Variants in PGM2L1 observed in about 807,000 individuals in gnomAD.
PGM2L1 encodes phosphoglucomutase 2 like 1.
PGM2L1 carries 35 observed loss-of-function variants against 73.4 expected under a neutral mutation model. That is an observed-to-expected ratio of 0.48 (90% CI 0.36 to 0.63). The LOEUF (loss-of-function observed/expected upper bound fraction) is 0.63, where lower values mean the gene tolerates loss of function less well. Ranked by LOEUF, PGM2L1 falls within the 30% of genes least tolerant of loss-of-function variation. PGM2L1 has a pLI of 0.00. For missense variants in PGM2L1, 570 were observed against 742.0 expected, an observed-to-expected ratio of 0.77 and a Z score of 2.69; for synonymous variants, 225 against 253.8, an observed-to-expected ratio of 0.89 and a Z score of 1.08.
intron 12 of PGM2L1, 134 bp downstream of exon 12, chr11:74,342,327 C>T (rs907371054): frequency 4.9e-5 from 34 of 698,620 alleles, no homozygotes; most frequent in East Asian, 9.5e-5. Flanking sequence ...CCAGAATTGT[C>T]ACCTTTATAA....
At chr11:74,363,426 CT>C (rs1862598574) in intron 5 of PGM2L1, among the ~76,000 whole-genome samples, 2 of 152,016 alleles carry the variant, frequency 1.3e-5, no homozygotes, top group Non-Finnish European at 2.9e-5. Flanking sequence ...ACAGAAAACC[CT>C]TCAAAAAATT....
At position 74,333,626 on chromosome 11, in the gene PGM2L1, A is replaced by C. The variant is rs987170600; in HGVS notation, c.*3026T>G. 6.6e-6 allele frequency: 1 copy of C among 152,222 alleles called. No individual in the cohort carries two copies. 9.4% of individuals were successfully genotyped at this position (152,222 alleles called of 1,614,324 possible). On this transcript the variant is annotated 3_prime_UTR_variant, in exon 14 of 14. Transcript: ENST00000298198. ...TTGGCCTCATTTTAGTGATCACAAT[A>C]AAGGAAAATGGTAGGTGCATACTCA...
At chr11:74,392,585 G>GGCTGGAGTGCAGTGGC (rs1479242956) in intron 1 of PGM2L1, among the ~76,000 whole-genome samples, 7 of 151,128 alleles carry the variant, frequency 4.6e-5, no homozygotes, top group African/African-American at 1.7e-4. Flanking sequence ...CTGTCGCCCA[G>GGCTGGAGTGCAGTGGC]GCTGGAGTGC....
chr11:74,355,347 A>G (rs1862427131), intron 5 of PGM2L1: 1 of 699,406 alleles, frequency 1.4e-6, no homozygotes, highest in South Asian at 1.5e-5. Context: ...TGAGGTCAGG[A>G]GTTCAACAGC....
At chr11:74,393,653 A>G (rs984156995) in intron 1 of PGM2L1, among the ~76,000 whole-genome samples, 1 of 152,212 alleles carries the variant, frequency 6.6e-6, no homozygotes, top group African/African-American at 2.4e-5. Flanking sequence ...GCAGACCTAC[A>G]TTCTGAGACC....
At chr11:74,343,119 A>C in intron 10 of PGM2L1, 105 bp from the exon 11 acceptor site, 1 of 1,412,082 alleles carries the variant, frequency 7.1e-7, no homozygotes, top group Non-Finnish European at 9.5e-7. Context: ...GCCTAGTAAT[A>C]GATGAAACTC....
Position 74,375,249 on chromosome 11 carries a change from G to A in PGM2L1, c.112-667C>T, listed in dbSNP as rs556935201. Among the ~76,000 whole-genome samples, 14 of 152,188 alleles carry A rather than the reference G, an allele frequency of 9.2e-5. No homozygotes were observed. The South Asian group carries it at 1.9e-3, about 20-fold the overall frequency. ...GAGAATACAAATTCATTCCAAACAC[G>A]GTTTGTGAGGCAGTGCATGCCAACA... On this transcript the variant is annotated intron_variant, in intron 1 of 13. Transcript: ENST00000298198.
chr11:74,342,831 G>A, intron 11 of PGM2L1, 54 bp downstream of exon 11: 1 of 1,507,578 alleles, frequency 6.6e-7, no homozygotes, highest in Non-Finnish European at 8.9e-7. Flanking sequence ...AAAACTAAGG[G>A]TAGGACAATA....
intron 1 of PGM2L1, among the ~76,000 whole-genome samples, chr11:74,375,886 G>T (rs1007855641): frequency 3.3e-5 from 5 of 152,102 alleles, no homozygotes; most frequent in African/African-American, 4.8e-5. Flanking sequence ...AACAATATCT[G>T]GGATATTATC....
At chr11:74,379,425 C>T (rs948663742) in intron 1 of PGM2L1, among the ~76,000 whole-genome samples, 4 of 152,082 alleles carry the variant, frequency 2.6e-5, no homozygotes, top group Non-Finnish European at 5.9e-5. Flanking sequence ...GGGGACAAAA[C>T]AGCCAAACCA....
At chr11:74,343,057 G>C in intron 10 of PGM2L1, 43 bp from the exon 11 acceptor site, 1 of 1,550,720 alleles carries the variant, frequency 6.4e-7, no homozygotes, top group Non-Finnish European at 8.7e-7. Flanking sequence ...AAAACTTAAG[G>C]CTATAATTTC....
At chr11:74,360,859 G>A (rs1040024942) in intron 5 of PGM2L1, among the ~76,000 whole-genome samples, 17 of 152,170 alleles carry the variant, frequency 1.1e-4, no homozygotes, top group African/African-American at 3.6e-4. Flanking sequence ...GGGGAGGGGC[G>A]CCCGCCATTG....
At position 74,332,815 on chromosome 11, in the gene PGM2L1, C is replaced by T. The variant is rs1020189245; in HGVS notation, c.*3837G>A. On this transcript the variant is annotated 3_prime_UTR_variant, in exon 14 of 14. Coordinates refer to ENST00000298198, the MANE Select transcript of PGM2L1 (RefSeq NM_173582.6). ...AGTATCCAATCTCTTAGAACCTCTC[C>T]ATCTGCTAACGTATCTACATCAAAA... The T allele has an allele frequency of 2.0e-5, 3 of 152,458 alleles. No homozygotes were observed. The highest frequency in any genetic ancestry group is 1.9e-4 in the East Asian group (1 of 5,202). The allele number at this position is 152,458 out of a possible 1,614,324, so 9.4% of individuals were successfully genotyped here.
At chr11:74,362,663 T>G (rs769837536) in intron 5 of PGM2L1, among the ~76,000 whole-genome samples, 15 of 152,110 alleles carry the variant, frequency 9.9e-5, no homozygotes, top group Non-Finnish European at 1.8e-4. Flanking sequence ...CACGTGCAGA[T>G]ACACACATAG....
chr11:74,364,484 TCTC>T (rs1181714305), intron 5 of PGM2L1, among the ~76,000 whole-genome samples: 1 of 152,114 alleles, frequency 6.6e-6, no homozygotes, highest in African/African-American at 2.4e-5. Flanking sequence ...TCAGCCAAAA[TCTC>T]CTTAAGCTGA....
At position 74,398,203 on chromosome 11, in the gene PGM2L1, C is replaced by A. The variant is rs1863211834; in HGVS notation, c.-42G>T. 8.9e-6 allele frequency: 14 copies of A among 1,580,970 alleles called. No individual in the cohort carries two copies. The highest frequency in any genetic ancestry group is 1.2e-5 in the Non-Finnish European group (14 of 1,162,486). On this transcript the variant is annotated 5_prime_UTR_variant, in exon 1 of 14. Transcript: ENST00000298198. ...TACGGGCCGGGGGCCGGCGAAGACACTGAGTTGGGGTGGGGGGTGGCTTGG... is the reference window on the plus strand; with the variant it reads ...TACGGGCCGGGGGCCGGCGAAGACAATGAGTTGGGGTGGGGGGTGGCTTGG...
intron 5 of PGM2L1, among the ~76,000 whole-genome samples, chr11:74,360,286 G>A (rs28686954): frequency 5.0e-5 from 5 of 99,086 alleles, no homozygotes; most frequent in Admixed American, 9.9e-5. Flanking sequence ...GGAAGGAAGG[G>A]AGGGAGGTAG....
At chr11:74,345,788 C>T in intron 8 of PGM2L1, 139 bp from the exon 9 acceptor site, 1 of 741,552 alleles carries the variant, frequency 1.3e-6, no homozygotes, top group Non-Finnish European at 2.2e-6. Context: ...ACATTTATTA[C>T]TACTTCTTTT....
intron 1 of PGM2L1, among the ~76,000 whole-genome samples, chr11:74,383,824 A>AATATATATATAT (rs377358856): frequency 0.26 from 30,976 of 121,348 alleles, 4,958 homozygotes; most frequent in Non-Finnish European, 0.33. Context: ...TATATAAATA[A>AATATATATATAT]ATATATATAT....
Sources: allele counts gnomAD v4.1 joint callset (sites outside exome capture counted in the v4.1 genomes callset), GRCh38; gene constraint gnomAD v4.1.1; transcripts MANE v1.5; gene names NCBI Gene and HGNC (gene_info 2026-07-23, HGNC 2026-07-21).